Variants in CLIC5 observed in about 807,000 individuals in gnomAD.
CLIC5 encodes chloride intracellular channel protein 5.
Under a neutral mutation model 24.7 loss-of-function variants are expected in CLIC5, and 20 were observed. The observed-to-expected ratio is 0.81, with a 90% confidence interval of 0.57 to 1.18. The LOEUF (loss-of-function observed/expected upper bound fraction) is 1.18. CLIC5 is among the 50% of genes most tolerant of loss of function. The pLI, the probability that CLIC5 is intolerant of heterozygous loss-of-function variation, is 0.00. For synonymous variants in CLIC5, 159 were observed against 135.6 expected, an observed-to-expected ratio of 1.17 and a Z score of -1.20; for missense variants, 341 against 326.1, an observed-to-expected ratio of 1.05 and a Z score of -0.35.
chr6:46,004,864 A>G (rs942763135), intron 1 of CLIC5, among the ~76,000 whole-genome samples: 5 of 152,236 alleles, frequency 3.3e-5, no homozygotes, highest in Admixed American at 1.3e-4. Context: ...CATTTGTGAC[A>G]AAGGGCCAAG....
At chr6:46,071,525 A>G (rs989081544) in intron 1 of CLIC5, among the ~76,000 whole-genome samples, 17 of 152,200 alleles carry the variant, frequency 1.1e-4, no homozygotes, top group African/African-American at 4.1e-4. Flanking sequence ...AATCAAAATC[A>G]TAATGAAATA....
chr6:46,083,448 G>A (rs1762965044), upstream of CLIC5, among the ~76,000 whole-genome samples: 1 of 152,196 alleles, frequency 6.6e-6, no homozygotes, highest in South Asian at 2.1e-4. Context: ...TGCTTTGAAT[G>A]TGTCCCAGAG....
chr6:46,046,268 C>G (rs1004831005), intron 1 of CLIC5, among the ~76,000 whole-genome samples: 2 of 152,186 alleles, frequency 1.3e-5, no homozygotes, highest in South Asian at 2.1e-4. Context: ...GTTCCTTTCT[C>G]CTCCTCTGAT....
chr6:46,073,491 T>G (rs886391607), intron 1 of CLIC5, among the ~76,000 whole-genome samples: 12 of 152,222 alleles, frequency 7.9e-5, no homozygotes, highest in Non-Finnish European at 1.3e-4. Flanking sequence ...TATGATATAT[T>G]TATATCTAAA....
At chr6:45,905,424 G>A (rs1436703628) in intron 5 of CLIC5, among the ~76,000 whole-genome samples, 6 of 150,338 alleles carry the variant, frequency 4.0e-5, no homozygotes, top group Non-Finnish European at 1.5e-5. Flanking sequence ...CTGGTGTGAG[G>A]GAGGTGTCTC....
At chr6:46,081,519 T>C (rs541610087), upstream of CLIC5, among the ~76,000 whole-genome samples, 3 of 152,262 alleles carry the variant, frequency 2.0e-5, no homozygotes, top group Middle Eastern at 3.4e-3. Flanking sequence ...GCTTAAAGAA[T>C]GGGTAAGGAA....
intron 2 of CLIC5, among the ~76,000 whole-genome samples, chr6:45,951,360 C>T (rs1764462339): frequency 6.6e-6 from 1 of 152,204 alleles, no homozygotes; most frequent in South Asian, 2.1e-4. Flanking sequence ...AATTAATTAA[C>T]TGAACAATTA....
chr6:45,924,355 T>C (rs993190938), intron 4 of CLIC5, among the ~76,000 whole-genome samples: 1 of 152,138 alleles, frequency 6.6e-6, no homozygotes, highest in Non-Finnish European at 1.5e-5. Flanking sequence ...TCCCCAGATA[T>C]GCTACAAGTA....
intron 1 of CLIC5, among the ~76,000 whole-genome samples, chr6:46,035,388 T>A (rs566153123): frequency 6.6e-6 from 1 of 152,374 alleles, no homozygotes; most frequent in Admixed American, 6.5e-5. Flanking sequence ...CAGGGTGTAT[T>A]GTTTAAACAA....
chr6:46,071,954 GGCCA>G (rs1268781186), intron 1 of CLIC5, among the ~76,000 whole-genome samples: 2 of 152,010 alleles, frequency 1.3e-5, no homozygotes, highest in East Asian at 3.9e-4. Flanking sequence ...TAGAGCTGGA[GGCCA>G]TTATCCTTAG....
chr6:45,926,256 T>C (rs1267842518), intron 4 of CLIC5, among the ~76,000 whole-genome samples: 1 of 136,892 alleles, frequency 7.3e-6, no homozygotes, highest in African/African-American at 2.5e-5. Flanking sequence ...TTATTTTTTT[T>C]ATTTTTTTTG....
intron 1 of CLIC5, among the ~76,000 whole-genome samples, chr6:46,026,222 G>A (rs1767327508): frequency 1.3e-5 from 2 of 152,134 alleles, no homozygotes; most frequent in African/African-American, 4.8e-5. Flanking sequence ...TTATTTTTAA[G>A]AAGAATCTAT....
intron 1 of CLIC5, among the ~76,000 whole-genome samples, chr6:46,064,540 T>C (rs1762388739): frequency 6.6e-6 from 1 of 152,132 alleles, no homozygotes; most frequent in South Asian, 2.1e-4. Flanking sequence ...TAGAAACATA[T>C]CTACAACATT....
chr6:46,015,754 G>A lies in CLIC5; in HGVS notation c.-212C>T. On this transcript the variant is annotated 5_prime_UTR_variant, in exon 1 of 6. Coordinates refer to ENST00000339561, the MANE Select transcript of CLIC5 (RefSeq NM_016929.5). ...CACATGAAAAGGAGCGAAGCCGGGA[G>A]GAGGCGGGGGGCCACGGGGAAAGCC... The A allele has an allele frequency of 8.1e-7, 1 of 1,235,292 alleles. No homozygotes were observed. The highest frequency in any genetic ancestry group is 1.0e-6 in the Non-Finnish European group (1 of 989,430). 76.5% of individuals were successfully genotyped at this position (1,235,292 alleles called of 1,614,324 possible). A position where few individuals can be genotyped will look rare whatever the true frequency, so the allele number is the denominator to read the frequency against.
intron 1 of CLIC5, among the ~76,000 whole-genome samples, chr6:46,057,496 AC>A (rs1768292851): frequency 6.6e-6 from 1 of 152,200 alleles, no homozygotes; most frequent in African/African-American, 2.4e-5. Context: ...GTGAAAATAG[AC>A]TAATACAGCT....
At chr6:46,058,073 GTA>G (rs1465290982) in intron 1 of CLIC5, among the ~76,000 whole-genome samples, 1 of 130,140 alleles carries the variant, frequency 7.7e-6, no homozygotes, top group Non-Finnish European at 1.7e-5. Context: ...TAACCATTGT[GTA>G]TGTGTGTGTG....
At chr6:45,937,590 T>C (rs761637244) in intron 4 of CLIC5, 1 of 152,266 alleles carries the variant, frequency 6.6e-6, no homozygotes, top group Non-Finnish European at 1.5e-5. Flanking sequence ...TGGAGGGCAA[T>C]GACTTTGTCT....
chr6:46,082,106 A>G (rs957762267), upstream of CLIC5, among the ~76,000 whole-genome samples: 2 of 152,138 alleles, frequency 1.3e-5, no homozygotes, highest in Non-Finnish European at 2.9e-5. Context: ...CCACAATGCA[A>G]CTCATGCTTT....
downstream of CLIC5, among the ~76,000 whole-genome samples, chr6:45,897,290 T>C (rs1346268974): frequency 6.6e-6 from 1 of 152,180 alleles, no homozygotes; most frequent in Non-Finnish European, 1.5e-5. Flanking sequence ...TTCACAATAC[T>C]GGGCGGAACT....
Sources: allele counts gnomAD v4.1 joint callset (sites outside exome capture counted in the v4.1 genomes callset), GRCh38; gene constraint gnomAD v4.1.1; transcripts MANE v1.5; gene names NCBI Gene and HGNC (gene_info 2026-07-23, HGNC 2026-07-21).